Variants in ACSM1 observed in about 807,000 individuals in gnomAD.
ACSM1 encodes acyl-CoA synthetase medium chain family member 1.
Under a neutral mutation model 75.8 loss-of-function variants are expected in ACSM1, and 79 were observed. The observed-to-expected ratio is 1.04, with a 90% CI of 0.87 to 1.26. The LOEUF (loss-of-function observed/expected upper bound fraction) is 1.26. Among genes scored for constraint, ACSM1 ranks in the 50% most tolerant of loss-of-function variants. The pLI is 0.00. For missense variants in ACSM1, 676 were observed against 720.1 expected (o/e 0.94, Z 0.70); for synonymous variants, 279 against 265.8 (o/e 1.05, Z -0.48).
At chr16:20,649,545 T>TTCTC (rs146266221) in intron 7 of ACSM1, among the ~76,000 whole-genome samples, 1 of 150,012 alleles carries the variant, frequency 6.7e-6, no homozygotes, top group Non-Finnish European at 1.5e-5. Flanking sequence ...TTACAACCTG[T>TTCTC]TCTCTCTCTC....
intron 5 of ACSM1, among the ~76,000 whole-genome samples, chr16:20,670,341 A>G (rs2019826774): frequency 1.3e-5 from 2 of 152,082 alleles, no homozygotes; most frequent in Non-Finnish European, 2.9e-5. Context: ...GGTCCACTCT[A>G]TTTCCTGAAA....
intron 10 of ACSM1, among the ~76,000 whole-genome samples, chr16:20,629,990 C>CAAAAAAAAAAA (rs558208317): frequency 1.2e-5 from 1 of 81,026 alleles, no homozygotes; most frequent in African/African-American, 3.9e-5. Flanking sequence ...GACTCCAACT[C>CAAAAAAAAAAA]AAAAAAAAAA....
At chr16:20,670,082 A>C in intron 5 of ACSM1, 96 bp from the exon 6 acceptor site, 102 of 1,231,706 alleles carry the variant, frequency 8.3e-5, no homozygotes, top group Non-Finnish European at 1.1e-4. Context: ...CACCTTTCTC[A>C]CTCTCAGTTC....
At chr16:20,650,422 C>T (rs373542115) in intron 7 of ACSM1, among the ~76,000 whole-genome samples, 100 of 152,172 alleles carry the variant, frequency 6.6e-4, no homozygotes, top group Non-Finnish European at 3.8e-4. Context: ...CAACGTGCAG[C>T]GGCCCTACAG....
Position 20,681,664 on chromosome 16 carries a change from G to A in ACSM1, c.611+592C>T, listed in dbSNP as rs148639205. 5.2e-3 allele frequency: 796 copies of A among 153,306 alleles called. 5 individuals carry two copies. The highest frequency in any genetic ancestry group is 7.9e-3 in the Non-Finnish European group (545 of 68,770). The allele number at this position is 153,306 out of a possible 1,614,324, so 9.5% of individuals were successfully genotyped here. A position where few individuals can be genotyped will look rare whatever the true frequency, so the allele number is the denominator to read the frequency against. The stretch of plus-strand genomic sequence containing the variant: ...AAGAAGCTCAGCTCTGTGAAGAGGT[G>A]GCAAATAGTGGTGCTTTCTATTAAC... On this transcript the variant is annotated intron_variant, in intron 4 of 13. Coordinates refer to ENST00000520010, the MANE Select transcript of ACSM1 (RefSeq NM_001318890.3).
chr16:20,625,132 C>T (rs2016841360), intron 12 of ACSM1, among the ~76,000 whole-genome samples: 1 of 152,236 alleles, frequency 6.6e-6, no homozygotes, highest in East Asian at 1.9e-4. Flanking sequence ...GGTTACTTAA[C>T]CTCCTCCTGC....
At chr16:20,691,464 G>T (rs76299783) in intron 1 of ACSM1, among the ~76,000 whole-genome samples, 1 of 152,234 alleles carries the variant, frequency 6.6e-6, no homozygotes, top group East Asian at 1.9e-4. Context: ...TTTGGTGCGC[G>T]TTCCTAGGGG....
At position 20,627,285 on chromosome 16, in the gene ACSM1, C is replaced by T. The variant is rs141916373; in HGVS notation, c.1331G>A (p.Cys444Tyr). ...GDPEKTAKVE[C>Y]GDFYNTGDRG... ...GTCCCCAGTGTTGTAGAAGTCCCCA[C>T]ATTCCACTTTAGCTGTCTTCTCTGG... The change falls in exon 11 of 14, where the codon TGT (cysteine) becomes TAT (tyrosine). Residue 444 changes from cysteine to tyrosine, a missense_variant. Physicochemically the swap from Cys to Tyr is radical, Grantham distance 194. Transcript: ENST00000520010. The T allele has an allele frequency of 5.1e-6, 8 of 1,583,518 alleles. No homozygotes were observed. The African/African-American group carries it at 5.5e-5, about 11-fold the overall frequency.
At position 20,643,414 on chromosome 16, in the gene ACSM1, C is replaced by T. The variant is rs765325323; in HGVS notation, c.993-2830G>A. 3.9e-5 allele frequency among the ~76,000 whole-genome samples: 6 copies of T among 152,200 alleles called. No individual in the cohort carries two copies. In the East Asian group the frequency reaches 5.8e-4, roughly 15 times the overall value. On this transcript the variant is annotated intron_variant, in intron 7 of 13. Transcript: ENST00000520010. ...ATTCCTTCCAGTGGGTTCTTGGTCTCGCTGACTTCAAGAATGAAGCCGTGG... is the reference window on the plus strand; with the variant it reads ...ATTCCTTCCAGTGGGTTCTTGGTCTTGCTGACTTCAAGAATGAAGCCGTGG...
At chr16:20,654,243 G>T (rs1319198800) in intron 7 of ACSM1, among the ~76,000 whole-genome samples, 1 of 151,990 alleles carries the variant, frequency 6.6e-6, no homozygotes, top group African/African-American at 2.4e-5. Flanking sequence ...TTATACAAAA[G>T]TTAATTGAAG....
chr16:20,685,832 C>CAAAAAAAA (rs1469791653), intron 2 of ACSM1, among the ~76,000 whole-genome samples: 3 of 72,132 alleles, frequency 4.2e-5, no homozygotes, highest in South Asian at 5.2e-4. Context: ...AAAAAAAAAA[C>CAAAAAAAA]AAACAAAAAA....
At chr16:20,695,127 G>A (rs528485736) in intron 1 of ACSM1, among the ~76,000 whole-genome samples, 2 of 151,720 alleles carry the variant, frequency 1.3e-5, no homozygotes, top group South Asian at 2.1e-4. Flanking sequence ...TTTAATCTTC[G>A]TCACATGAGA....
chr16:20,670,412 C>T (rs1376920926), intron 5 of ACSM1, among the ~76,000 whole-genome samples: 1 of 152,184 alleles, frequency 6.6e-6, no homozygotes, highest in South Asian at 2.1e-4. Flanking sequence ...TACTAGCTTG[C>T]ACCTGGATTA....
At chr16:20,628,602 C>A (rs1314879860) in intron 10 of ACSM1, among the ~76,000 whole-genome samples, 1 of 151,834 alleles carries the variant, frequency 6.6e-6, no homozygotes, top group African/African-American at 2.4e-5. Flanking sequence ...GTTGCATGCA[C>A]AAACGGTTTG....
At chr16:20,687,220 G>T (rs2079570024) in intron 2 of ACSM1, among the ~76,000 whole-genome samples, 2 of 152,144 alleles carry the variant, frequency 1.3e-5, no homozygotes, top group South Asian at 4.1e-4. Flanking sequence ...GTCTCTGAAA[G>T]CAGTGGTGGG....
chr16:20,681,404 A>G (rs76518496), intron 4 of ACSM1: 2 of 152,212 alleles, frequency 1.3e-5, no homozygotes, highest in African/African-American at 4.8e-5. Context: ...CCATGTTCCA[A>G]TTCAGACTTG....
chr16:20,639,815 T>G (rs2152215417), intron 8 of ACSM1, among the ~76,000 whole-genome samples: 1 of 152,230 alleles, frequency 6.6e-6, no homozygotes, highest in Non-Finnish European at 1.5e-5. Flanking sequence ...ACCTTTCCAC[T>G]ATGAAAGGAA....
chr16:20,623,639 C>G (rs2016742208), intron 13 of ACSM1, 67 bp from the exon 14 acceptor site: 1 of 1,466,170 alleles, frequency 6.8e-7, no homozygotes, highest in Non-Finnish European at 9.5e-7. Flanking sequence ...ATTCTCCACT[C>G]TCCTCCTCTG....
At chr16:20,696,286 T>C (rs180893718) in intron 1 of ACSM1, among the ~76,000 whole-genome samples, 82 of 152,354 alleles carry the variant, frequency 5.4e-4, no homozygotes, top group Non-Finnish European at 1.1e-3. Context: ...TCTCTATCTC[T>C]ATCTCCGTCT....
Sources: allele counts gnomAD v4.1 joint callset (sites outside exome capture counted in the v4.1 genomes callset), GRCh38; gene constraint gnomAD v4.1.1; transcripts MANE v1.5; gene names NCBI Gene and HGNC (gene_info 2026-07-23, HGNC 2026-07-21).